The following ZCCHC14 variants were observed in gnomAD, a reference collection of about 807,000 sequenced individuals.
The protein encoded by ZCCHC14 is zinc finger CCHC domain-containing protein 14.
In ZCCHC14, 16 loss-of-function variants were observed where a neutral mutation model predicts 85.0. That is an observed-to-expected ratio of 0.19 (90% CI 0.13 to 0.29). The LOEUF is 0.29. Among genes scored for constraint, ZCCHC14 ranks in the 10% least tolerant of loss-of-function variants. ZCCHC14 has a pLI of 1.00. For synonymous variants in ZCCHC14, 775 were observed against 630.7 expected (o/e 1.23, Z -3.43); for missense variants, 1,303 against 1,443.5 (o/e 0.90, Z 1.58).
chr16:87,423,655 G>T (rs1206175241), intron 4 of ZCCHC14, among the ~76,000 whole-genome samples, 155 bp downstream of exon 4: 2 of 152,226 alleles, frequency 1.3e-5, no homozygotes, highest in Non-Finnish European at 2.9e-5. Flanking sequence ...GTCAGCAGCG[G>T]GCCTGGGACT....
chr16:87,430,678 C>T (rs974660684), intron 3 of ZCCHC14, among the ~76,000 whole-genome samples: 4 of 152,016 alleles, frequency 2.6e-5, no homozygotes, highest in Admixed American at 6.6e-5. Context: ...CCCGCCACCG[C>T]GCCCGGCTAA....
intron 2 of ZCCHC14, among the ~76,000 whole-genome samples, chr16:87,442,845 T>A (rs1334851145): frequency 6.6e-6 from 1 of 152,132 alleles, no homozygotes; most frequent in Admixed American, 6.5e-5. Flanking sequence ...CAGAAGAAAG[T>A]AGAATCATAT....
At chr16:87,488,724 T>G (rs1225695336) in intron 1 of ZCCHC14, among the ~76,000 whole-genome samples, 1 of 152,148 alleles carries the variant, frequency 6.6e-6, no homozygotes, top group Non-Finnish European at 1.5e-5. Context: ...ACTACAAGTG[T>G]GTGCCACCAC....
chr16:87,417,631 G>A lies in ZCCHC14; in HGVS notation c.1212C>T (p.Ser404=), dbSNP rs375076624. ...TCCGGTAGGCCAGGGCTGAGCCCGC[G>A]CTGCCCGCATGGGAGCAGTGAGGCA... ...APLPHCSHAG[S]AGSALAYRTQ... The change falls in exon 8 of 13, where the codon AGC becomes AGT. Residue 404 remains serine (S), a synonymous_variant. Transcript: ENST00000671377. 15 of 1,613,964 alleles carry A rather than the reference G, an allele frequency of 9.3e-6. No individual in the cohort carries two copies. The African/African-American group carries it at 1.5e-4, about 16-fold the overall frequency.
At chr16:87,440,068 C>G (rs768358147) in intron 2 of ZCCHC14, among the ~76,000 whole-genome samples, 2 of 152,200 alleles carry the variant, frequency 1.3e-5, no homozygotes, top group Non-Finnish European at 2.9e-5. Flanking sequence ...CAGCTTTCTA[C>G]GCAGCCAAGA....
At chr16:87,429,559 A>C (rs542719444) in intron 3 of ZCCHC14, among the ~76,000 whole-genome samples, 24 of 152,294 alleles carry the variant, frequency 1.6e-4, no homozygotes, top group Admixed American at 1.4e-3. Context: ...GGACAGGAGG[A>C]TCCCTTGAGG....
intron 2 of ZCCHC14, among the ~76,000 whole-genome samples, chr16:87,449,383 G>C (rs911214645): frequency 9.8e-5 from 15 of 152,294 alleles, no homozygotes; most frequent in African/African-American, 3.6e-4. Context: ...GAGGGGCACA[G>C]CACAGGGGGA....
intron 1 of ZCCHC14, chr16:87,471,096 A>G (rs1286697266): frequency 6.6e-6 from 1 of 152,142 alleles, no homozygotes; most frequent in Non-Finnish European, 1.5e-5. Context: ...CAAAGTGTCT[A>G]CCCCCACAAA....
At chr16:87,480,707 A>C (rs1195126549) in intron 1 of ZCCHC14, among the ~76,000 whole-genome samples, 1 of 152,196 alleles carries the variant, frequency 6.6e-6, no homozygotes, top group African/African-American at 2.4e-5. Flanking sequence ...GCTAGGCTCT[A>C]GTGATTTAAA....
rs765311751 is a variant in ZCCHC14, at chr16:87,412,533, G to A, written c.2188C>T (p.Arg730Trp). The A allele has an allele frequency of 8.7e-6, 14 of 1,613,872 alleles. No individual in the cohort carries two copies. The highest frequency in any genetic ancestry group is 1.7e-5 in the Admixed American group (1 of 60,004). The change falls in exon 12 of 13, where the codon CGG becomes TGG. Residue 730 changes from arginine (R) to tryptophan (W), a missense_variant. Physicochemically the swap from Arg to Trp is moderately radical, Grantham distance 101. Around this residue, in one of 7 missense-constraint regions of ZCCHC14, gnomAD observed 797 missense variants for 730.8 expected, o/e 1.09. Coordinates refer to ENST00000671377, the MANE Select transcript of ZCCHC14 (RefSeq NM_015144.3). Reference protein sequence around the residue: ...SMSPTVSFGPRTKVVHASTLD... With the variant: ...SMSPTVSFGPWTKVVHASTLD... ...GTGGATGCATGCACGACTTTGGTCC[G>A]GGGACCAAAGGAGACTGTGGGTGAC...
chr16:87,471,271 G>C (rs990368913), intron 1 of ZCCHC14: 4 of 152,172 alleles, frequency 2.6e-5, no homozygotes, highest in African/African-American at 9.7e-5. Flanking sequence ...TGCTAAAATA[G>C]TCATTACGTG....
chr16:87,413,229 T>G (rs1478966551), intron 10 of ZCCHC14, 34 bp from the exon 11 acceptor site: 1 of 1,491,994 alleles, frequency 6.7e-7, no homozygotes, highest in East Asian at 2.5e-5. Context: ...AGCCATCAAC[T>G]AGCGCCCCTG....
intron 3 of ZCCHC14, among the ~76,000 whole-genome samples, chr16:87,429,598 G>A (rs139694171): frequency 2.0e-5 from 3 of 152,188 alleles, no homozygotes; most frequent in East Asian, 3.9e-4. Context: ...CTGGGTGACA[G>A]AAGGAGACAC....
intron 1 of ZCCHC14, among the ~76,000 whole-genome samples, chr16:87,479,806 C>T (rs1186836783): frequency 1.3e-5 from 2 of 152,168 alleles, no homozygotes; most frequent in African/African-American, 2.4e-5. Context: ...TGATGCCACG[C>T]GGCTTCTTCC....
intron 2 of ZCCHC14, among the ~76,000 whole-genome samples, chr16:87,452,209 T>G (rs1478607463): frequency 6.6e-6 from 1 of 152,180 alleles, no homozygotes; most frequent in Non-Finnish European, 1.5e-5. Flanking sequence ...CAAAGCCACA[T>G]GTGGGAGAGG....
chr16:87,422,932 G>C (rs190010611), intron 4 of ZCCHC14, among the ~76,000 whole-genome samples: 4 of 152,096 alleles, frequency 2.6e-5, no homozygotes, highest in African/African-American at 9.7e-5. Context: ...TACCCTCGAA[G>C]GCGTGGCACT....
intron 2 of ZCCHC14, among the ~76,000 whole-genome samples, chr16:87,440,214 G>T (rs1027239326): frequency 5.3e-5 from 8 of 151,694 alleles, no homozygotes; most frequent in Admixed American, 5.3e-4. Context: ...GCCCAGTCTG[G>T]AGTGCAGTGG....
chr16:87,460,014 T>G lies in ZCCHC14; in HGVS notation c.688A>C (p.Ser230Arg). The change falls in exon 2 of 13, where the codon AGC becomes CGC. Residue 230 changes from serine (S) to arginine (R), a missense_variant. Ser to Arg is a moderately radical substitution (Grantham distance 110). Around this residue, in one of 7 missense-constraint regions of ZCCHC14, gnomAD observed 389 missense variants for 397.8 expected, o/e 0.98. Transcript: ENST00000671377. The part of the protein sequence containing the change: ...SLPKRPLGKH[S>R]KVSVEKIDLK... ...AACCCGTGCGTGCACTCACCTTTGC[T>G]GTGTTTTCCTAAGGGCCTCTTGGGC... is the stretch of plus-strand genomic sequence containing the variant. 6.2e-7 allele frequency: 1 copy of G among 1,614,188 alleles called. No individual in the cohort carries two copies. The highest frequency in any genetic ancestry group is 1.1e-5 in the South Asian group (1 of 91,090).
At chr16:87,427,142 A>G (rs982510396) in intron 3 of ZCCHC14, among the ~76,000 whole-genome samples, 3 of 152,260 alleles carry the variant, frequency 2.0e-5, no homozygotes, top group African/African-American at 7.2e-5. Flanking sequence ...ACTGGGTGAG[A>G]CATGAAGACA....
Sources: gnomAD v4.1 joint callset for allele counts (sites outside exome capture counted in the v4.1 genomes callset) on GRCh38, gnomAD v4.1.1 for gene constraint, gnomAD v4.1.1 regional missense constraint, MANE v1.5 for transcripts, NCBI Gene and HGNC (gene_info 2026-07-23, HGNC 2026-07-21) for gene names.